The following ZNF512 variants were observed in gnomAD, a reference collection of about 807,000 sequenced individuals.
The protein encoded by ZNF512 is zinc finger protein 512.
Under a neutral mutation model 77.5 loss-of-function variants are expected in ZNF512, and 25 were observed. The observed-to-expected ratio is 0.32, with a 90% CI of 0.23 to 0.45. The LOEUF is 0.45. Among genes scored for constraint, ZNF512 ranks in the 20% least tolerant of loss-of-function variants. ZNF512 has a pLI of 1.00. For synonymous variants in ZNF512, 246 were observed against 239.9 expected (o/e 1.03, Z -0.24); for missense variants, 483 against 692.6 (o/e 0.70, Z 3.40).
At position 27,621,427 on chromosome 2, in the gene ZNF512, C is replaced by A; in HGVS notation, c.1670C>A (p.Pro557His). Residue 557 changes from proline to histidine, a missense_variant, in exon 14 of 14, where the codon CCC (proline) becomes CAC (histidine). Pro to His is a moderately conservative substitution (Grantham distance 77). Transcript: ENST00000355467. ...PVPAQFQKVK[P>H]PKTNHKRGRK ...CCAGCACAGTTCCAGAAAGTAAAGC[C>A]CCCAAAGACTAATCATAAACGAGGA... The A allele has an allele frequency of 8.1e-6, 13 of 1,612,926 alleles. No individual in the cohort carries two copies. The highest frequency in any genetic ancestry group is 1.1e-5 in the Non-Finnish European group (13 of 1,179,942).
intron 7 of ZNF512, among the ~76,000 whole-genome samples, 194 bp from the exon 8 acceptor site, chr2:27,602,269 C>T (rs1407283364): frequency 6.6e-6 from 1 of 152,156 alleles, no homozygotes; most frequent in Non-Finnish European, 1.5e-5. Flanking sequence ...GTCAGAGGCT[C>T]AGAACTCTTA....
chr2:27,596,590 C>T (rs1294337181), intron 2 of ZNF512, among the ~76,000 whole-genome samples: 2 of 152,216 alleles, frequency 1.3e-5, no homozygotes, highest in Non-Finnish European at 2.9e-5. Flanking sequence ...TTGGAAAACT[C>T]ACCCCATTTG....
chr2:27,591,023 A>T (rs1379793364), intron 2 of ZNF512, among the ~76,000 whole-genome samples: 2 of 152,150 alleles, frequency 1.3e-5, no homozygotes, highest in South Asian at 2.1e-4. Context: ...AATTTTAAAG[A>T]TATTTCTTTT....
At chr2:27,588,900 G>C (rs188118487) in intron 2 of ZNF512, among the ~76,000 whole-genome samples, 133 of 152,212 alleles carry the variant, frequency 8.7e-4, no homozygotes, top group African/African-American at 2.8e-3. Context: ...GCAATGTGTT[G>C]TAGTTTCATT....
At chr2:27,592,667 C>CTTTTTTTTTTTTTTT (rs139890307) in intron 2 of ZNF512, among the ~76,000 whole-genome samples, 3 of 81,556 alleles carry the variant, frequency 3.7e-5, no homozygotes, top group Non-Finnish European at 7.0e-5. Flanking sequence ...CCATGTTTAC[C>CTTTTTTTTTTTTTTT]TTTTTTTTTT....
intron 2 of ZNF512, among the ~76,000 whole-genome samples, chr2:27,586,953 T>C (rs989806544): frequency 2.0e-5 from 3 of 152,274 alleles, no homozygotes; most frequent in Admixed American, 2.0e-4. Context: ...ATAATTTGTT[T>C]AGCCATCTAT....
chr2:27,607,014 T>C (rs761311990), intron 9 of ZNF512, among the ~76,000 whole-genome samples: 46 of 152,128 alleles, frequency 3.0e-4, no homozygotes, highest in Non-Finnish European at 5.4e-4. Flanking sequence ...GACAGCAGGT[T>C]GGATGTCTCT....
At chr2:27,585,467 T>C (rs1371998295) in intron 2 of ZNF512, among the ~76,000 whole-genome samples, 2 of 152,168 alleles carry the variant, frequency 1.3e-5, no homozygotes, top group South Asian at 2.1e-4. Context: ...TTTGGAATCA[T>C]TGGGTTTAGG....
chr2:27,591,731 CA>C (rs576109475), intron 2 of ZNF512, among the ~76,000 whole-genome samples: 9 of 152,324 alleles, frequency 5.9e-5, no homozygotes, highest in African/African-American at 2.2e-4. Flanking sequence ...TTTGTAGAGA[CA>C]AGGTCTTGCT....
chr2:27,606,363 T>C (rs1212845100), intron 9 of ZNF512, among the ~76,000 whole-genome samples: 2 of 152,090 alleles, frequency 1.3e-5, no homozygotes, highest in African/African-American at 4.8e-5. Context: ...TATAATTTTC[T>C]TTCTTTTTTT....
chr2:27,583,355 T>A (rs1454637561), intron 1 of ZNF512: 1 of 1,294,718 alleles, frequency 7.7e-7, no homozygotes, highest in Admixed American at 2.7e-5. Context: ...CACATTACCA[T>A]TAGTTTCTAT....
chr2:27,601,299 A>C lies in ZNF512; in HGVS notation c.583-57A>C, dbSNP rs927105453. ...GATGAAAGCATTTGAGTCGGACTTCATGACATTCTGTTTCTCTGTGGAACA... is the reference window on the plus strand; with the variant it reads ...GATGAAAGCATTTGAGTCGGACTTCCTGACATTCTGTTTCTCTGTGGAACA... On this transcript the variant is annotated intron_variant, in intron 6 of 13. Transcript: ENST00000355467. 9.9e-6 allele frequency: 13 copies of C among 1,317,132 alleles called. No homozygotes were observed. The East Asian group carries it at 3.1e-4, about 32-fold the overall frequency. 81.6% of individuals were successfully genotyped at this position (1,317,132 alleles called of 1,614,324 possible).
intron 2 of ZNF512, among the ~76,000 whole-genome samples, chr2:27,591,127 C>T (rs1354612781): frequency 2.0e-5 from 3 of 152,092 alleles, no homozygotes; most frequent in Non-Finnish European, 4.4e-5. Context: ...GCCTCAAATT[C>T]CTCAGCTCAA....
intron 9 of ZNF512, among the ~76,000 whole-genome samples, chr2:27,605,437 G>C (rs532702143): frequency 6.6e-6 from 1 of 152,054 alleles, no homozygotes; most frequent in East Asian, 2.0e-4. Context: ...CTGGGTGACA[G>C]AGCAAGACCC....
At chr2:27,619,344 A>C (rs1291629415) in intron 13 of ZNF512, among the ~76,000 whole-genome samples, 1 of 152,126 alleles carries the variant, frequency 6.6e-6, no homozygotes, top group African/African-American at 2.4e-5. Context: ...CGGAGGTTGC[A>C]GTGAGCCGAG....
At chr2:27,612,773 A>C (rs1406635863) in intron 10 of ZNF512, among the ~76,000 whole-genome samples, 1 of 152,202 alleles carries the variant, frequency 6.6e-6, no homozygotes, top group African/African-American at 2.4e-5. Context: ...TGAGCCTTAC[A>C]GTATGTAGTG....
intron 1 of ZNF512, 75 bp downstream of exon 1, chr2:27,583,217 G>T (rs368259305): frequency 6.2e-7 from 1 of 1,605,208 alleles, no homozygotes. Context: ...CCTCGCTTTT[G>T]TCCCATGCTG....
In ZNF512 at chr2:27,602,388, T is replaced by G. The variant is rs939054888; in HGVS notation, c.670-75T>G. 3.5e-6 allele frequency: 5 copies of G among 1,435,226 alleles called. No homozygotes were observed. The African/African-American group carries it at 7.1e-5, about 20-fold the overall frequency. The allele number at this position is 1,435,226 out of a possible 1,614,324, so 88.9% of individuals were successfully genotyped here. ...TAGCTGCCAGTCCAATCCTTGATTCTCCTCTGATATTTTTTTTCCCTGTGT... is the reference window on the plus strand; with the variant it reads ...TAGCTGCCAGTCCAATCCTTGATTCGCCTCTGATATTTTTTTTCCCTGTGT... On this transcript the variant is annotated intron_variant, in intron 7 of 13. Coordinates refer to ENST00000355467, the MANE Select transcript of ZNF512 (RefSeq NM_032434.4).
At chr2:27,586,542 C>G (rs1419897593) in intron 2 of ZNF512, among the ~76,000 whole-genome samples, 1 of 152,154 alleles carries the variant, frequency 6.6e-6, no homozygotes, top group Non-Finnish European at 1.5e-5. Flanking sequence ...TCAAGTGTTT[C>G]TAGCATTGTT....
Sources: gnomAD v4.1 joint callset for allele counts (sites outside exome capture counted in the v4.1 genomes callset) on GRCh38, gnomAD v4.1.1 for gene constraint, MANE v1.5 for transcripts, NCBI Gene and HGNC (gene_info 2026-07-23, HGNC 2026-07-21) for gene names.